Variants in GGH observed in about 807,000 individuals in gnomAD.
GGH encodes gamma-glutamyl hydrolase.
A neutral mutation model predicts 39.2 loss-of-function variants in GGH; 18 were observed. The ratio of observed to expected loss-of-function variants is 0.46; its 90% CI spans 0.32 to 0.68. GGH has a LOEUF of 0.68. Ranked by LOEUF, GGH falls within the 30% of genes least tolerant of loss-of-function variation. The pLI is 0.04. For synonymous variants in GGH, 147 were observed against 138.8 expected, an observed-to-expected ratio of 1.06 and a Z score of -0.42; for missense variants, 367 against 384.1, an observed-to-expected ratio of 0.96 and a Z score of 0.37.
rs887715478 is a variant in GGH at position 63,038,674 on chromosome 8, T to C, written c.95A>G (p.Lys32Arg). 3.9e-6 allele frequency: 6 copies of C among 1,539,524 alleles called. No individual in the cohort carries two copies. Among genetic ancestry groups the C allele is most frequent in the African/African-American group, 1.4e-5 (1 of 71,666 alleles). The change falls in exon 1 of 9, where the codon AAG (lysine) becomes AGG (arginine). Residue 32 changes from lysine to arginine, a missense_variant. By Grantham distance (26) the Lys-to-Arg change is conservative (BLOSUM62 2). Coordinates refer to ENST00000260118, the MANE Select transcript of GGH (RefSeq NM_003878.3). ...ELSRPHGDTA[K>R]KPIIGILMQK... is the part of the protein sequence containing the mutation. ...AGCCTCCTTACCGATGATGGGCTTCTTGGCGGTGTCGCCGTGGGGTCTAGA... is the reference window on the plus strand; with the variant it reads ...AGCCTCCTTACCGATGATGGGCTTCCTGGCGGTGTCGCCGTGGGGTCTAGA...
chr8:63,022,623 C>T (rs1162231752), intron 7 of GGH, among the ~76,000 whole-genome samples: 6 of 151,520 alleles, frequency 4.0e-5, no homozygotes, highest in South Asian at 2.1e-4. Flanking sequence ...GGCACAATCT[C>T]GACTCATTGC....
chr8:63,015,146 CTATTTA>C lies in GGH; in HGVS notation c.*180_*185del. 4 of 365,696 alleles carry C rather than the reference CTATTTA, an allele frequency of 1.1e-5. No homozygotes were observed. Among genetic ancestry groups the C allele is most frequent in the Non-Finnish European group, 1.9e-5 (4 of 205,732 alleles). The allele number at this position is 365,696 out of a possible 1,614,324, so 22.7% of individuals were successfully genotyped here. A position where few individuals can be genotyped will look rare whatever the true frequency, so the allele number is the denominator to read the frequency against. The stretch of plus-strand genomic sequence containing the variant: ...AGAAGGCTTTTCCATGAAAAACACT[CTATTTA>C]TGTCTCACTATTTAATTATCTAATG... On this transcript the variant is annotated 3_prime_UTR_variant, in exon 9 of 9. Coordinates refer to ENST00000260118, the MANE Select transcript of GGH (RefSeq NM_003878.3).
In GGH at chr8:63,038,698, G is replaced by T. The variant is rs765922991; in HGVS notation, c.71C>A (p.Ser24Tyr). 1.9e-6 allele frequency: 3 copies of T among 1,583,268 alleles called. No homozygotes were observed. The highest frequency in any genetic ancestry group is 2.6e-6 in the Non-Finnish European group (3 of 1,164,582). The change falls in exon 1 of 9, where the codon TCT becomes TAT. Residue 24 changes from serine (S) to tyrosine (Y), a missense_variant. Physicochemically the swap from Ser to Tyr is moderately radical, Grantham distance 144. Coordinates refer to ENST00000260118, the MANE Select transcript of GGH (RefSeq NM_003878.3). ...CTTGGCGGTGTCGCCGTGGGGTCTA[G>T]ACAGCTCGAGGCTCGCCGCCCCGCA... The part of the protein sequence containing the change: ...LLCGAASLEL[S>Y]RPHGDTAKKP...
At chr8:63,031,365 G>C (rs1440283872) in intron 2 of GGH, among the ~76,000 whole-genome samples, 1 of 152,204 alleles carries the variant, frequency 6.6e-6, no homozygotes, top group African/African-American at 2.4e-5. Flanking sequence ...TTCTTAAGTG[G>C]AGAAAATACT....
chr8:63,022,126 C>T (rs1332146111), intron 7 of GGH, among the ~76,000 whole-genome samples: 1 of 152,012 alleles, frequency 6.6e-6, no homozygotes, highest in African/African-American at 2.4e-5. Flanking sequence ...ACAACTTCTT[C>T]ATTTGATTGA....
At chr8:63,035,208 G>A (rs746244543) in intron 2 of GGH, among the ~76,000 whole-genome samples, 1 of 152,158 alleles carries the variant, frequency 6.6e-6, no homozygotes, top group Non-Finnish European at 1.5e-5. Flanking sequence ...TTCAATGAGA[G>A]ACTCTAAGCA....
chr8:63,036,276 C>T (rs954931183), intron 1 of GGH, among the ~76,000 whole-genome samples: 2 of 152,044 alleles, frequency 1.3e-5, no homozygotes, highest in African/African-American at 2.4e-5. Flanking sequence ...CTTAAGAAAC[C>T]CCCCCAAGCT....
intron 2 of GGH, among the ~76,000 whole-genome samples, chr8:63,032,494 G>A (rs1395500408): frequency 6.6e-6 from 1 of 152,186 alleles, no homozygotes; most frequent in East Asian, 1.9e-4. Flanking sequence ...CCAAGCGCCT[G>A]AGACAGAAGG....
intron 3 of GGH, chr8:63,028,164 T>C (rs978367376): frequency 6.6e-6 from 1 of 152,048 alleles, no homozygotes; most frequent in African/African-American, 2.4e-5. Context: ...CAAACATGAG[T>C]GGCTTTTGCT....
At chr8:63,025,386 C>T (rs1181205357) in intron 5 of GGH, 1 of 152,164 alleles carries the variant, frequency 6.6e-6, no homozygotes, top group Non-Finnish European at 1.5e-5. Flanking sequence ...TCAATTATTT[C>T]ATAATAACGT....
rs146471489 is a variant in GGH at position 63,026,151 on chromosome 8, C to G, written c.499+7G>C. On this transcript the variant is annotated splice_region_variant and intron_variant, in intron 5 of 8. Coordinates refer to ENST00000260118, the MANE Select transcript of GGH (RefSeq NM_003878.3). Reference sequence around the variant, plus strand: ...ATTTTTCAAAGGGTTGAAAAGAGTACTCTTACCTCCAGTGAAGTTCAGCGG... The same window carrying G: ...ATTTTTCAAAGGGTTGAAAAGAGTAGTCTTACCTCCAGTGAAGTTCAGCGG... 1.3e-6 allele frequency: 2 copies of G among 1,587,126 alleles called. No individual in the cohort carries two copies. The highest frequency in any genetic ancestry group is 1.7e-6 in the Non-Finnish European group (2 of 1,170,880).
chr8:63,019,842 G>A (rs1018675155), intron 7 of GGH, among the ~76,000 whole-genome samples: 3 of 152,040 alleles, frequency 2.0e-5, no homozygotes, highest in African/African-American at 7.2e-5. Flanking sequence ...TCCTGATTTG[G>A]CTCCTTCTGA....
intron 8 of GGH, 125 bp from the exon 9 acceptor site, chr8:63,015,578 G>A (rs926833882): frequency 2.3e-5 from 12 of 528,626 alleles, no homozygotes; most frequent in Non-Finnish European, 3.6e-5. Flanking sequence ...AGAGAAATGC[G>A]ACTGCTCTTC....
intron 7 of GGH, among the ~76,000 whole-genome samples, chr8:63,022,436 T>C (rs889257401): frequency 9.2e-5 from 14 of 152,164 alleles, no homozygotes; most frequent in African/African-American, 3.1e-4. Context: ...CATGTCTGGG[T>C]ATGTTGGATT....
intron 2 of GGH, among the ~76,000 whole-genome samples, chr8:63,031,129 T>C (rs1804795036): frequency 6.6e-6 from 1 of 152,154 alleles, no homozygotes. Context: ...AACTAGTCCA[T>C]TTCTGCCCTC....
chr8:63,016,348 A>C (rs1368895411), intron 8 of GGH, among the ~76,000 whole-genome samples: 2 of 151,982 alleles, frequency 1.3e-5, no homozygotes, highest in African/African-American at 4.8e-5. Context: ...AGTTTTTGTC[A>C]TAAAACCATC....
intron 3 of GGH, 22 bp from the exon 4 acceptor site, chr8:63,027,287 C>T (rs758468500): frequency 7.3e-7 from 1 of 1,365,880 alleles, no homozygotes; most frequent in African/African-American, 1.4e-5. Flanking sequence ...TTACATAAAT[C>T]AAATAGGGTG....
chr8:63,029,427 A>G (rs1417351766), intron 3 of GGH, among the ~76,000 whole-genome samples: 1 of 152,178 alleles, frequency 6.6e-6, no homozygotes, highest in Admixed American at 6.5e-5. Context: ...TTATTTAACC[A>G]ATTCTCACCT....
chr8:63,025,749 C>A (rs1048420602), intron 5 of GGH, among the ~76,000 whole-genome samples: 3 of 151,690 alleles, frequency 2.0e-5, no homozygotes, highest in East Asian at 1.9e-4. Context: ...AAAAAAAAAT[C>A]TTATTTAATA....
Sources: allele counts gnomAD v4.1 joint callset (sites outside exome capture counted in the v4.1 genomes callset), GRCh38; gene constraint gnomAD v4.1.1; transcripts MANE v1.5; gene names NCBI Gene and HGNC (gene_info 2026-07-23, HGNC 2026-07-21).